Variants in HECA observed in about 807,000 individuals in gnomAD.
The protein encoded by HECA is HECA ribonucleoprotein granule regulator, also known as headcase protein homolog.
HECA carries 13 observed loss-of-function variants against 37.6 expected under a neutral mutation model. That is an observed-to-expected ratio of 0.35 (90% CI 0.23 to 0.55). The LOEUF (loss-of-function observed/expected upper bound fraction) is 0.55. Among genes scored for constraint, HECA ranks in the 20% least tolerant of loss-of-function variants. HECA has a pLI of 0.90. For missense variants in HECA, 527 were observed against 701.9 expected (o/e 0.75, Z 2.82); for synonymous variants, 307 against 291.5 (o/e 1.05, Z -0.54).
chr6:139,146,798 C>T (rs138240074), intron 1 of HECA, among the ~76,000 whole-genome samples: 21 of 152,314 alleles, frequency 1.4e-4, no homozygotes, highest in African/African-American at 3.8e-4. Flanking sequence ...TCCTTGGATC[C>T]GTTCTTACTG....
At chr6:139,169,068 G>A (rs182273665) in intron 2 of HECA, among the ~76,000 whole-genome samples, 4 of 151,976 alleles carry the variant, frequency 2.6e-5, no homozygotes, top group Non-Finnish European at 5.9e-5. Flanking sequence ...TCTATTTGTC[G>A]TGCTTTCTGT....
At chr6:139,174,043 C>T (rs1387102883) in intron 2 of HECA, among the ~76,000 whole-genome samples, 1 of 152,104 alleles carries the variant, frequency 6.6e-6, no homozygotes, top group Non-Finnish European at 1.5e-5. Flanking sequence ...AGCAGGAAGT[C>T]CTGCGTGAAT....
chr6:139,165,631 T>G (rs963000196), intron 1 of HECA, among the ~76,000 whole-genome samples: 7 of 152,138 alleles, frequency 4.6e-5, no homozygotes, highest in Non-Finnish European at 7.4e-5. Context: ...TTTGACATTT[T>G]AGAAATAAAT....
intron 1 of HECA, among the ~76,000 whole-genome samples, chr6:139,139,245 C>T (rs935560295): frequency 5.3e-5 from 8 of 152,182 alleles, no homozygotes; most frequent in African/African-American, 1.7e-4. Flanking sequence ...CAAATCCTGG[C>T]TTCTCAAATT....
At chr6:139,156,646 TC>T (rs770662025) in intron 1 of HECA, among the ~76,000 whole-genome samples, 3 of 152,182 alleles carry the variant, frequency 2.0e-5, no homozygotes, top group Non-Finnish European at 4.4e-5. Flanking sequence ...TGAAATAAAC[TC>T]AGAAGTATGA....
At chr6:139,149,041 A>G (rs1774617648) in intron 1 of HECA, among the ~76,000 whole-genome samples, 1 of 152,192 alleles carries the variant, frequency 6.6e-6, no homozygotes. Context: ...GTTGCTTATG[A>G]TAACAGACTT....
At position 139,168,167 on chromosome 6, in the gene HECA, T is replaced by C. The variant is rs564191170; in HGVS notation, c.1312+843T>C. Among the ~76,000 whole-genome samples the C allele has an allele frequency of 1.4e-4, 21 of 152,366 alleles. No individual in the cohort carries two copies. In the South Asian group the frequency reaches 4.4e-3, roughly 32 times the overall value. On this transcript the variant is annotated intron_variant, in intron 2 of 3. Transcript: ENST00000367658. ...TTTTTGACATCGTGATTGTAAATAC[T>C]GCTGTCTTCATTCTCCAGCTTTACA...
chr6:139,144,923 T>C (rs966318043), intron 1 of HECA, among the ~76,000 whole-genome samples: 39 of 152,154 alleles, frequency 2.6e-4, no homozygotes, highest in African/African-American at 8.2e-4. Flanking sequence ...AGGTTACTAA[T>C]TGAGGTTAAC....
At chr6:139,173,686 C>T (rs1198456063) in intron 2 of HECA, among the ~76,000 whole-genome samples, 1 of 152,180 alleles carries the variant, frequency 6.6e-6, no homozygotes, top group Non-Finnish European at 1.5e-5. Context: ...AACTGTGATG[C>T]TTCCATATAC....
At chr6:139,157,331 C>G (rs1228967541) in intron 1 of HECA, among the ~76,000 whole-genome samples, 1 of 152,190 alleles carries the variant, frequency 6.6e-6, no homozygotes, top group African/African-American at 2.4e-5. Flanking sequence ...AACCTCCTGT[C>G]TCATCATGTG....
intron 2 of HECA, chr6:139,169,868 T>A (rs1774947593): frequency 6.6e-6 from 1 of 152,252 alleles, no homozygotes; most frequent in African/African-American, 2.4e-5. Flanking sequence ...CAGGTTCAGA[T>A]GATGCTGAAA....
chr6:139,170,135 A>T (rs1774951541), intron 2 of HECA: 1 of 152,188 alleles, frequency 6.6e-6, no homozygotes, highest in Non-Finnish European at 1.5e-5. Context: ...GTGGATGGAA[A>T]CACCTTTATT....
intron 1 of HECA, among the ~76,000 whole-genome samples, chr6:139,136,836 A>G (rs900982262): frequency 2.6e-5 from 4 of 151,928 alleles, no homozygotes; most frequent in African/African-American, 7.3e-5. Context: ...GGGTTTCACC[A>G]TATTGGTCAG....
At chr6:139,147,916 A>AG (rs1447410751) in intron 1 of HECA, among the ~76,000 whole-genome samples, 1 of 152,228 alleles carries the variant, frequency 6.6e-6, no homozygotes, top group Admixed American at 6.5e-5. Context: ...GAGGTTTGCC[A>AG]GTTTACACCA....
chr6:139,168,357 T>C (rs924001839), intron 2 of HECA, among the ~76,000 whole-genome samples: 2 of 152,060 alleles, frequency 1.3e-5, no homozygotes, highest in African/African-American at 4.8e-5. Context: ...TATCTTATTA[T>C]ATAGTACCAT....
chr6:139,147,772 TTG>T (rs1351086648), intron 1 of HECA, among the ~76,000 whole-genome samples: 1 of 152,210 alleles, frequency 6.6e-6, no homozygotes, highest in Non-Finnish European at 1.5e-5. Flanking sequence ...GCTTGGGAGA[TTG>T]TGAACATTTG....
At chr6:139,156,160 T>C (rs1269612862) in intron 1 of HECA, among the ~76,000 whole-genome samples, 1 of 150,380 alleles carries the variant, frequency 6.6e-6, no homozygotes, top group Non-Finnish European at 1.5e-5. Flanking sequence ...TGTATTATTA[T>C]TTTTTACATT....
At chr6:139,159,083 T>G (rs1186822256) in intron 1 of HECA, 2 of 151,952 alleles carry the variant, frequency 1.3e-5, no homozygotes, top group African/African-American at 2.4e-5. Context: ...CAAAAAAAAA[T>G]TTTTGAAAAA....
At chr6:139,135,719 CGCGGTGGCGGGGCCCTGGGTGGCGCGG>C in intron 1 of HECA, 52 bp downstream of exon 1, 2 of 881,534 alleles carry the variant, frequency 2.3e-6, no homozygotes, top group Non-Finnish European at 2.7e-6. Flanking sequence ...ACGGGGACGG[CGCGGTGGCGGGGCCCTGGGTGGCGCGG>C]GCGGTGCGTG....
Sources: allele counts gnomAD v4.1 joint callset (sites outside exome capture counted in the v4.1 genomes callset), GRCh38; gene constraint gnomAD v4.1.1; transcripts MANE v1.5; gene names NCBI Gene and HGNC (gene_info 2026-07-23, HGNC 2026-07-21).